The following NUCB2 variants were observed in gnomAD, a reference collection of about 807,000 sequenced individuals.
NUCB2 encodes the protein nucleobindin 2.
A neutral mutation model predicts 57.9 loss-of-function variants in NUCB2; 48 were observed. That is an observed-to-expected ratio of 0.83 (90% confidence interval 0.66 to 1.05). The LOEUF (loss-of-function observed/expected upper bound fraction) is 1.05. Among genes scored for constraint, NUCB2 ranks in the 50% least tolerant of loss-of-function variants. NUCB2 has a pLI of 0.00. For synonymous variants in NUCB2, 139 were observed against 152.1 expected (o/e 0.91, Z 0.64); for missense variants, 442 against 476.2 (o/e 0.93, Z 0.67).
intron 11 of NUCB2, among the ~76,000 whole-genome samples, chr11:17,318,410 A>AGCTTTTT (rs1949578510): frequency 6.6e-6 from 1 of 152,166 alleles, no homozygotes; most frequent in Admixed American, 6.5e-5. Context: ...CTATGGAGGT[A>AGCTTTTT]TATAAACATT....
At chr11:17,312,208 T>C in intron 10 of NUCB2, 88 bp downstream of exon 10, 1 of 784,656 alleles carries the variant, frequency 1.3e-6, no homozygotes, top group Non-Finnish European at 2.0e-6. Flanking sequence ...ATATACAGAA[T>C]TTGTATTTAA....
chr11:17,284,315 G>A (rs1373904127), intron 2 of NUCB2, among the ~76,000 whole-genome samples: 1 of 152,066 alleles, frequency 6.6e-6, no homozygotes, highest in African/African-American at 2.4e-5. Flanking sequence ...ACCGTGCCCA[G>A]CCCCTTCCAG....
chr11:17,347,874 C>G (rs1483748906), intron 2 of NUCB2, among the ~76,000 whole-genome samples: 1 of 152,186 alleles, frequency 6.6e-6, no homozygotes, highest in Admixed American at 6.5e-5. Flanking sequence ...GTGACTGGTG[C>G]TGGTCTATGC....
chr11:17,349,232 C>CAT (rs1484389414), intron 2 of NUCB2: 2 of 152,344 alleles, frequency 1.3e-5, no homozygotes, highest in Non-Finnish European at 2.9e-5. Flanking sequence ...CTACTCCAAA[C>CAT]AAAATGGGCT....
intron 2 of NUCB2, among the ~76,000 whole-genome samples, chr11:17,348,333 T>G (rs867936496): frequency 2.9e-4 from 37 of 126,782 alleles, no homozygotes; most frequent in African/African-American, 6.1e-4. Flanking sequence ...TTTTTTTTTT[T>G]TTTTTTTTTT....
intron 11 of NUCB2, among the ~76,000 whole-genome samples, chr11:17,328,265 G>A (rs770556925): frequency 2.0e-5 from 3 of 152,180 alleles, no homozygotes; most frequent in Non-Finnish European, 4.4e-5. Context: ...TCTGTGCTGA[G>A]CCACCTGGAA....
At chr11:17,279,153 T>C (rs555625577) in intron 1 of NUCB2, among the ~76,000 whole-genome samples, 12 of 152,208 alleles carry the variant, frequency 7.9e-5, no homozygotes, top group Non-Finnish European at 1.0e-4. Context: ...GATCGCGCTA[T>C]TGCACTCCAG....
intron 2 of NUCB2, among the ~76,000 whole-genome samples, chr11:17,293,788 C>T (rs576392142): frequency 6.6e-6 from 1 of 152,256 alleles, no homozygotes; most frequent in South Asian, 2.1e-4. Flanking sequence ...AAAAGGCAGA[C>T]ACAAAAGGCT....
chr11:17,348,631 C>G (rs1952965968), intron 2 of NUCB2, among the ~76,000 whole-genome samples: 1 of 144,768 alleles, frequency 6.9e-6, no homozygotes, highest in Admixed American at 7.0e-5. Flanking sequence ...TAAGCCACTA[C>G]ACCTGGCCTA....
intron 4 of NUCB2, among the ~76,000 whole-genome samples, chr11:17,299,455 C>T (rs1305195633): frequency 1.3e-5 from 2 of 152,084 alleles, no homozygotes; most frequent in African/African-American, 4.8e-5. Flanking sequence ...ACTAATTACT[C>T]ATCTATGAAG....
At chr11:17,339,477 A>G (rs1952070830) in intron 2 of NUCB2, among the ~76,000 whole-genome samples, 1 of 149,908 alleles carries the variant, frequency 6.7e-6, no homozygotes, top group Non-Finnish European at 1.5e-5. Context: ...CATTAGGTAT[A>G]TCTCCTAATG....
At chr11:17,341,519 G>T (rs2139621848) in intron 2 of NUCB2, among the ~76,000 whole-genome samples, 1 of 152,218 alleles carries the variant, frequency 6.6e-6, no homozygotes, top group South Asian at 2.1e-4. Flanking sequence ...AGAGTTTTTA[G>T]CATGAAGTGT....
intron 3 of NUCB2, among the ~76,000 whole-genome samples, chr11:17,295,874 A>G (rs1019303518): frequency 3.9e-5 from 6 of 152,246 alleles, no homozygotes; most frequent in Middle Eastern, 3.2e-3. Context: ...CTACTGGACT[A>G]GAGAGTGTCG....
chr11:17,328,347 A>G (rs563959178), intron 11 of NUCB2, among the ~76,000 whole-genome samples: 9 of 152,350 alleles, frequency 5.9e-5, no homozygotes, highest in Non-Finnish European at 1.0e-4. Flanking sequence ...CCTGAAGCCA[A>G]CATGGCACTG....
In NUCB2 at chr11:17,314,055, C is replaced by T. The variant is rs150410474; in HGVS notation, c.913-1331C>T. 1.2e-3 allele frequency among the ~76,000 whole-genome samples: 184 copies of T among 152,210 alleles called. No homozygotes were observed. In the Middle Eastern group the frequency reaches 0.024, roughly 20 times the overall value. ...TTCAAACCCAGATCTGTTCCTTCCT[C>T]AGCCTTTTTCATTTCAACAAATGAA... On this transcript the variant is annotated intron_variant, in intron 10 of 13. Coordinates refer to ENST00000529010, the MANE Select transcript of NUCB2 (RefSeq NM_005013.4).
At chr11:17,287,514 A>C (rs564563356) in intron 2 of NUCB2, among the ~76,000 whole-genome samples, 2 of 152,028 alleles carry the variant, frequency 1.3e-5, no homozygotes, top group Admixed American at 1.3e-4. Context: ...TCTACTAAAA[A>C]TACAAAAAAT....
chr11:17,319,028 T>A (rs76263288), intron 11 of NUCB2, among the ~76,000 whole-genome samples: 33 of 152,246 alleles, frequency 2.2e-4, no homozygotes, highest in African/African-American at 4.6e-4. Flanking sequence ...AAAATTTTTT[T>A]AAAATACTTT....
chr11:17,293,294 G>T (rs1005755633), intron 2 of NUCB2, among the ~76,000 whole-genome samples: 2 of 150,572 alleles, frequency 1.3e-5, no homozygotes, highest in East Asian at 2.0e-4. Context: ...GTGTTGTTAG[G>T]ACATACACAC....
intron 11 of NUCB2, among the ~76,000 whole-genome samples, chr11:17,319,585 C>A (rs1181752035): frequency 6.6e-6 from 1 of 152,144 alleles, no homozygotes; most frequent in Non-Finnish European, 1.5e-5. Context: ...CATATGTACA[C>A]ACATACATGC....
Sources: gnomAD v4.1 joint callset for allele counts (sites outside exome capture counted in the v4.1 genomes callset) on GRCh38, gnomAD v4.1.1 for gene constraint, MANE v1.5 for transcripts, NCBI Gene and HGNC (gene_info 2026-07-23, HGNC 2026-07-21) for gene names.